CTNNBL1: variants seen among roughly 807,000 people sequenced by gnomAD.
CTNNBL1 encodes the protein catenin beta like 1.
CTNNBL1 carries 31 observed loss-of-function variants against 72.7 expected under a neutral mutation model. The observed-to-expected ratio is 0.43, with a 90% confidence interval of 0.32 to 0.58. The LOEUF is 0.58. Ranked by LOEUF, CTNNBL1 falls within the 20% of genes least tolerant of loss-of-function variation. The pLI is 0.08. For missense variants in CTNNBL1, 534 were observed against 725.1 expected (o/e 0.74, Z 3.03); for synonymous variants, 240 against 267.3 (o/e 0.90, Z 1.00).
intron 7 of CTNNBL1, 54 bp from the exon 8 acceptor site, chr20:37,777,291 G>A: frequency 1.4e-6 from 2 of 1,424,486 alleles, no homozygotes; most frequent in East Asian, 2.3e-5. Context: ...ATTTGTCCTG[G>A]GGAAGGAAGC....
intron 1 of CTNNBL1, among the ~76,000 whole-genome samples, chr20:37,725,379 C>T (rs965014104): frequency 3.9e-5 from 6 of 151,952 alleles, no homozygotes; most frequent in Non-Finnish European, 8.8e-5. Flanking sequence ...TCACGGCAAC[C>T]TCTGCCTCCC....
At chr20:37,799,018 A>G (rs558259623) in intron 10 of CTNNBL1, among the ~76,000 whole-genome samples, 2 of 152,308 alleles carry the variant, frequency 1.3e-5, no homozygotes, top group South Asian at 4.1e-4. Flanking sequence ...AATACAAAAA[A>G]TCCCTTCGTA....
In CTNNBL1 at chr20:37,694,205, G is replaced by T. The variant is rs1210637513; in HGVS notation, c.30+53G>T. ...CCGCGTTCTCACCTGGGCAGGGGTC[G>T]CAGGAGCCAGAGCCCTTTCATCTCA... On this transcript the variant is annotated intron_variant, in intron 1 of 15. Coordinates refer to ENST00000361383, the MANE Select transcript of CTNNBL1 (RefSeq NM_030877.5). 7.3e-6 allele frequency: 11 copies of T among 1,508,070 alleles called. No homozygotes were observed. The East Asian group carries it at 1.3e-4, about 18-fold the overall frequency. The allele number at this position is 1,508,070 out of a possible 1,614,324, so 93.4% of individuals were successfully genotyped here. A position where few individuals can be genotyped will look rare whatever the true frequency, so the allele number is the denominator to read the frequency against.
chr20:37,718,013 A>G (rs931772066), intron 1 of CTNNBL1, among the ~76,000 whole-genome samples: 2 of 152,188 alleles, frequency 1.3e-5, no homozygotes, highest in African/African-American at 4.8e-5. Flanking sequence ...ACTTCTTTCT[A>G]CACAGACACA....
chr20:37,812,186 T>C (rs1287430660), intron 11 of CTNNBL1, among the ~76,000 whole-genome samples: 2 of 152,216 alleles, frequency 1.3e-5, no homozygotes, highest in African/African-American at 4.8e-5. Context: ...AAACCTTTCT[T>C]AGAATGTTTT....
chr20:37,794,740 G>A (rs746528927), intron 10 of CTNNBL1, among the ~76,000 whole-genome samples: 2 of 151,818 alleles, frequency 1.3e-5, no homozygotes, highest in Non-Finnish European at 2.9e-5. Context: ...GGCCTCAAGT[G>A]ATCTTCCTGC....
intron 2 of CTNNBL1, 54 bp from the exon 3 acceptor site, chr20:37,737,324 A>G (rs2073179628): frequency 8.1e-7 from 1 of 1,234,934 alleles, no homozygotes; most frequent in Non-Finnish European, 1.2e-6. Flanking sequence ...AGTAGTGACA[A>G]TGAATGTGAA....
chr20:37,845,337 A>G (rs2072338284), intron 13 of CTNNBL1, among the ~76,000 whole-genome samples: 1 of 152,182 alleles, frequency 6.6e-6, no homozygotes, highest in Non-Finnish European at 1.5e-5. Flanking sequence ...AGCATTGAAG[A>G]GGGTGTGAAA....
intron 7 of CTNNBL1, among the ~76,000 whole-genome samples, chr20:37,771,414 C>G (rs962829526): frequency 3.3e-5 from 5 of 152,156 alleles, no homozygotes; most frequent in Non-Finnish European, 5.9e-5. Context: ...TTTAAAACTC[C>G]ATTTTCACTA....
chr20:37,788,857 C>T (rs2073700685), intron 10 of CTNNBL1, among the ~76,000 whole-genome samples: 1 of 152,182 alleles, frequency 6.6e-6, no homozygotes, highest in Non-Finnish European at 1.5e-5. Flanking sequence ...TCGCCCTTAC[C>T]TCACAGCCCT....
intron 11 of CTNNBL1, among the ~76,000 whole-genome samples, chr20:37,818,133 A>G (rs1473547331): frequency 6.6e-6 from 1 of 152,136 alleles, no homozygotes; most frequent in African/African-American, 2.4e-5. Context: ...ACCTCAACTG[A>G]CTTCTTCCAT....
intron 15 of CTNNBL1, among the ~76,000 whole-genome samples, chr20:37,870,381 C>T (rs898014187): frequency 2.6e-5 from 4 of 152,046 alleles, no homozygotes; most frequent in African/African-American, 4.8e-5. Context: ...CTGCACCCCC[C>T]GACAGCCCCT....
At chr20:37,711,765 C>T (rs1023889547) in intron 1 of CTNNBL1, among the ~76,000 whole-genome samples, 2 of 151,720 alleles carry the variant, frequency 1.3e-5, no homozygotes, top group Non-Finnish European at 1.5e-5. Flanking sequence ...AGCTGTGGGA[C>T]TGGCAGTAAA....
In CTNNBL1 at chr20:37,815,076, A is replaced by AGTGTGTGTGTGTGTGT. The variant is rs11474436; in HGVS notation, c.1213+12043_1213+12058dup. Among the ~76,000 whole-genome samples, 101 of 147,384 alleles carry AGTGTGTGTGTGTGTGT rather than the reference A, an allele frequency of 6.9e-4. No homozygotes were observed. The South Asian group carries it at 0.013, about 19-fold the overall frequency. ...CAAACACTATGTTAGGGACTCTGTG[A>AGTGTGTGTGTGTGTGT]GTGTGTGTGTGTGTGTGTGTGTGTG... On this transcript the variant is annotated intron_variant, in intron 11 of 15. Coordinates refer to ENST00000361383, the MANE Select transcript of CTNNBL1 (RefSeq NM_030877.5).
intron 7 of CTNNBL1, among the ~76,000 whole-genome samples, chr20:37,772,538 T>C (rs550142983): frequency 1.1e-4 from 16 of 152,218 alleles, no homozygotes; most frequent in South Asian, 2.1e-4. Context: ...TTAGTAGAGA[T>C]GGGGTTTCAC....
chr20:37,800,225 T>C (rs1203852086), intron 10 of CTNNBL1, among the ~76,000 whole-genome samples: 1 of 152,186 alleles, frequency 6.6e-6, no homozygotes, highest in Admixed American at 6.5e-5. Flanking sequence ...ACCAGTCACC[T>C]CTCTCCAGCT....
At chr20:37,835,666 A>C (rs2072247123) in intron 11 of CTNNBL1, among the ~76,000 whole-genome samples, 1 of 152,234 alleles carries the variant, frequency 6.6e-6, no homozygotes, top group African/African-American at 2.4e-5. Context: ...TATTTGTGCA[A>C]AAGTAAGTCA....
At chr20:37,868,278 T>A (rs778457876) in intron 15 of CTNNBL1, among the ~76,000 whole-genome samples, 2 of 115,552 alleles carry the variant, frequency 1.7e-5, no homozygotes, top group Non-Finnish European at 3.6e-5. Context: ...CCCCTCCCAG[T>A]GGTTTTTTAG....
At chr20:37,865,658 C>T (rs546249335) in intron 15 of CTNNBL1, among the ~76,000 whole-genome samples, 63 of 152,260 alleles carry the variant, frequency 4.1e-4, no homozygotes, top group Non-Finnish European at 6.6e-4. Context: ...GAGAATGCTT[C>T]GAAATACAAA....
Sources: allele counts gnomAD v4.1 joint callset (sites outside exome capture counted in the v4.1 genomes callset), GRCh38; gene constraint gnomAD v4.1.1; transcripts MANE v1.5; gene names NCBI Gene and HGNC (gene_info 2026-07-23, HGNC 2026-07-21).